The following VPS13D variants were observed in gnomAD, a reference collection of about 807,000 sequenced individuals.
VPS13D encodes intermembrane lipid transfer protein VPS13D.
Under a neutral mutation model 461.9 loss-of-function variants are expected in VPS13D, and 187 were observed. The observed-to-expected ratio is 0.40, with a 90% CI of 0.36 to 0.46. The LOEUF (loss-of-function observed/expected upper bound fraction) is 0.46, where lower values mean the gene tolerates loss of function less well. VPS13D is among the 20% of genes least tolerant of loss of function. The pLI is 0.60. For missense variants in VPS13D, 4,711 were observed against 5,364.9 expected (o/e 0.88, Z 3.81); for synonymous variants, 1,951 against 1,986.3 (o/e 0.98, Z 0.47).
At chr1:12,379,319 T>C (rs1644241865) in intron 56 of VPS13D, among the ~76,000 whole-genome samples, 169 bp from the exon 57 acceptor site, 1 of 152,222 alleles carries the variant, frequency 6.6e-6, no homozygotes, top group African/African-American at 2.4e-5. Context: ...TCCTCTTTTC[T>C]TATCAAGAGA....
chr1:12,438,119 A>G (rs2100330411), intron 65 of VPS13D, among the ~76,000 whole-genome samples: 1 of 152,292 alleles, frequency 6.6e-6, no homozygotes, highest in East Asian at 1.9e-4. Flanking sequence ...TCCTGAACTC[A>G]GTAAACTGAG....
intron 67 of VPS13D, among the ~76,000 whole-genome samples, chr1:12,494,101 T>A (rs1645924356): frequency 6.6e-6 from 1 of 152,178 alleles, no homozygotes; most frequent in African/African-American, 2.4e-5. Flanking sequence ...ATGTGAAAAA[T>A]TAGCCTTGAA....
chr1:12,492,753 T>C (rs1645900334), intron 67 of VPS13D, among the ~76,000 whole-genome samples: 1 of 152,188 alleles, frequency 6.6e-6, no homozygotes. Context: ...AACAGGAAGA[T>C]GGATATATCA....
At chr1:12,478,555 C>T in intron 67 of VPS13D, 1 of 338,336 alleles carries the variant, frequency 3.0e-6, no homozygotes, top group East Asian at 7.5e-5. Flanking sequence ...AACCCTCTCA[C>T]ACTGCATGTA....
At chr1:12,437,078 G>A (rs1434997902) in intron 65 of VPS13D, among the ~76,000 whole-genome samples, 1 of 152,130 alleles carries the variant, frequency 6.6e-6, no homozygotes, top group African/African-American at 2.4e-5. Context: ...CGGCGGGAGG[G>A]GGGTACCCAA....
intron 65 of VPS13D, among the ~76,000 whole-genome samples, chr1:12,434,099 C>G (rs931575880): frequency 5.3e-5 from 8 of 152,064 alleles, no homozygotes; most frequent in Admixed American, 6.6e-5. Context: ...TATTTCTAAC[C>G]TGAAATTGTC....
intron 36 of VPS13D, 133 bp from the exon 37 acceptor site, chr1:12,329,696 A>T (rs954692560): frequency 1.6e-6 from 1 of 640,390 alleles, no homozygotes; most frequent in African/African-American, 1.8e-5. Flanking sequence ...AAAGTACATG[A>T]TGAACAAAGT....
chr1:12,235,204 G>A (rs1459705315), intron 2 of VPS13D, among the ~76,000 whole-genome samples: 1 of 152,216 alleles, frequency 6.6e-6, no homozygotes, highest in East Asian at 1.9e-4. Context: ...AAGTGGACCA[G>A]AGCAGGTTAG....
intron 2 of VPS13D, among the ~76,000 whole-genome samples, chr1:12,241,180 C>T (rs1000217239): frequency 3.9e-5 from 6 of 152,214 alleles, no homozygotes; most frequent in East Asian, 1.9e-4. Context: ...TGGGCTCAAG[C>T]GATTTCCCAG....
chr1:12,326,705 G>T (rs966033336), intron 35 of VPS13D, among the ~76,000 whole-genome samples: 4 of 151,606 alleles, frequency 2.6e-5, no homozygotes, highest in African/African-American at 9.7e-5. Context: ...GTGCAGTGGT[G>T]CAATCTTGGC....
Position 12,275,914 on chromosome 1 carries a change from C to T in VPS13D, c.2326C>T (p.Pro776Ser), listed in dbSNP as rs149804263. Residue 776 changes from proline (P) to serine (S), a missense_variant, in exon 19 of 70, where the codon CCT becomes TCT. Around this residue, in one of 3 missense-constraint regions of VPS13D, gnomAD observed 4,411 missense variants for 4,937.8 expected, o/e 0.89. Transcript: ENST00000620676. ...ATATAAGACCCCCCTGGCCACACCT[C>T]CTAACACCCCACCTCCCGAGTCAAG... ...DEYKTPLATP[P>S]NTPPPESSSS... The T allele has an allele frequency of 6.2e-6, 10 of 1,613,842 alleles. No individual in the cohort carries two copies. Among genetic ancestry groups the T allele is most frequent in the Non-Finnish European group, 8.5e-6 (10 of 1,180,008 alleles).
chr1:12,312,044 A>C, intron 29 of VPS13D, 119 bp downstream of exon 29: 17 of 805,760 alleles, frequency 2.1e-5, no homozygotes, highest in South Asian at 5.3e-5. Flanking sequence ...TGTTGTCTGC[A>C]GAGTGTCTTT....
chr1:12,367,104 G>A (rs750131502), intron 52 of VPS13D, among the ~76,000 whole-genome samples: 3 of 152,104 alleles, frequency 2.0e-5, no homozygotes, highest in Admixed American at 6.6e-5. Context: ...TAGTTGCCAC[G>A]TGTATTCTCT....
intron 60 of VPS13D, among the ~76,000 whole-genome samples, chr1:12,393,446 T>TA (rs1644454346): frequency 6.6e-6 from 1 of 152,250 alleles, no homozygotes; most frequent in Non-Finnish European, 1.5e-5. Context: ...AGTGGCTGCA[T>TA]ACCAGGTACC....
At chr1:12,344,171 A>G (rs1279714308) in intron 42 of VPS13D, among the ~76,000 whole-genome samples, 2 of 152,244 alleles carry the variant, frequency 1.3e-5, no homozygotes, top group Non-Finnish European at 2.9e-5. Context: ...ATAGGTTAAG[A>G]CAGCATTTGA....
chr1:12,498,829 C>T (rs1570289348), intron 68 of VPS13D, among the ~76,000 whole-genome samples: 1 of 152,250 alleles, frequency 6.6e-6, no homozygotes, highest in East Asian at 1.9e-4. Flanking sequence ...TCTCTGGTGT[C>T]TCTTATAAGG....
rs375214360 is a variant in VPS13D, at chr1:12,260,923, C to T, written c.1213-25C>T. 19 of 1,614,006 alleles carry T rather than the reference C, an allele frequency of 1.2e-5. No individual in the cohort carries two copies. In the African/African-American group the frequency reaches 1.3e-4, roughly 11 times the overall value. ...CTTGCTTTTATCTTTGAGTACTCAT[C>T]TCTGCTCCTTTGTGATTGACACAGA... On this transcript the variant is annotated intron_variant, in intron 11 of 69. Coordinates refer to ENST00000620676, the MANE Select transcript of VPS13D (RefSeq NM_015378.4).
chr1:12,398,073 T>A (rs1363816247), intron 60 of VPS13D, among the ~76,000 whole-genome samples: 3 of 152,298 alleles, frequency 2.0e-5, no homozygotes, highest in African/African-American at 7.2e-5. Flanking sequence ...AGGGTGTGTA[T>A]GACTCGATTT....
Position 12,277,881 on chromosome 1 carries a change from G to C in VPS13D, c.4293G>C (p.Leu1431=). 6.2e-7 allele frequency: 1 copy of C among 1,614,148 alleles called. No homozygotes were observed. The highest frequency in any genetic ancestry group is 8.5e-7 in the Non-Finnish European group (1 of 1,180,018). ...RLQVEIKDIK[L]YSLNCTQLAG... ...AGGTGGAAATCAAGGACATTAAACTGTATTCTTTGAATTGCACCCAGTTGG... is the reference window on the plus strand; with the variant it reads ...AGGTGGAAATCAAGGACATTAAACTCTATTCTTTGAATTGCACCCAGTTGG... Residue 1431 remains leucine, a synonymous_variant, in exon 19 of 70, where the codon CTG becomes CTC. Transcript: ENST00000620676.
Sources: gnomAD v4.1 joint callset for allele counts (sites outside exome capture counted in the v4.1 genomes callset) on GRCh38, gnomAD v4.1.1 for gene constraint, gnomAD v4.1.1 regional missense constraint, MANE v1.5 for transcripts, NCBI Gene and HGNC (gene_info 2026-07-23, HGNC 2026-07-21) for gene names.